The following TENM2 variants were observed in gnomAD, a reference collection of about 807,000 sequenced individuals.
The protein encoded by TENM2 is teneurin-2.
In TENM2, 52 loss-of-function variants were observed where a neutral mutation model predicts 245.2. That is an observed-to-expected ratio of 0.21 (90% CI 0.17 to 0.27). The LOEUF is 0.27. Among genes scored for constraint, TENM2 ranks in the 10% least tolerant of loss-of-function variants. TENM2 has a pLI of 1.00. For missense variants in TENM2, 3,046 were observed against 3,666.8 expected, an observed-to-expected ratio of 0.83 and a Z score of 4.37; for synonymous variants, 1,363 against 1,438.9, an observed-to-expected ratio of 0.95 and a Z score of 1.19.
At chr5:167,193,496 A>C in the TENM2 span, among the ~76,000 whole-genome samples, 1 of 149,344 alleles carries the variant, frequency 6.7e-6, no homozygotes, top group African/African-American at 2.4e-5. Flanking sequence ...AACAGACAGA[A>C]AGGGCAGGGT....
intron 2 of TENM2, among the ~76,000 whole-genome samples, chr5:167,443,214 C>T (rs1426893838): frequency 6.6e-6 from 1 of 151,878 alleles, no homozygotes; most frequent in East Asian, 1.9e-4. Context: ...AGTCATGAAA[C>T]CAGAGAGTTG....
chr5:168,223,823 G>A (rs767583578), intron 23 of TENM2, among the ~76,000 whole-genome samples: 12 of 151,766 alleles, frequency 7.9e-5, no homozygotes, highest in Admixed American at 1.3e-4. Context: ...ATGAAGATTC[G>A]TCAAAATTCC....
At chr5:167,126,164 G>A in the TENM2 span, among the ~76,000 whole-genome samples, 7 of 152,260 alleles carry the variant, frequency 4.6e-5, no homozygotes, top group South Asian at 1.5e-3. Flanking sequence ...TCAAACTTCT[G>A]TAGATATAAG....
chr5:168,103,886 G>A lies in TENM2; in HGVS notation c.1813+5759G>A, dbSNP rs79209814. 7.9e-3 allele frequency among the ~76,000 whole-genome samples: 1,206 copies of A among 152,304 alleles called. 22 individuals are homozygous for A. The highest frequency in any genetic ancestry group is 0.027 in the African/African-American group (1,140 of 41,566). ...GGCAGGGAGTAACCCTGAGCCAACA[G>A]AATGAGGTAATTGGCTAGCAAGTGC... On this transcript the variant is annotated intron_variant, in intron 9 of 28. Coordinates refer to ENST00000518659, the Ensembl canonical transcript of TENM2.
chr5:167,333,057 A>G (rs1000389338), intron 1 of TENM2, among the ~76,000 whole-genome samples: 101 of 152,344 alleles, frequency 6.6e-4, no homozygotes, highest in African/African-American at 2.4e-3. Context: ...TAGTGCGTGG[A>G]CTGGAAATTT....
At chr5:167,872,335 AAAGAAAGAAAGAAAGAAAGGAAAGAGAAG>A (rs1561880321) in intron 2 of TENM2, among the ~76,000 whole-genome samples, 7 of 138,946 alleles carry the variant, frequency 5.0e-5, no homozygotes, top group African/African-American at 1.1e-4. Context: ...AGAAAGAAAG[AAAGAAAGAAAGAAAGAAAGGAAAGAGAAG>A]GAAGGAAGGA....
At chr5:167,547,245 C>A (rs1772622029) in intron 2 of TENM2, among the ~76,000 whole-genome samples, 1 of 152,128 alleles carries the variant, frequency 6.6e-6, no homozygotes, top group Non-Finnish European at 1.5e-5. Flanking sequence ...GCCACCACGC[C>A]TGGCTAATTT....
the TENM2 span, among the ~76,000 whole-genome samples, chr5:167,199,888 C>T: frequency 6.6e-6 from 1 of 152,062 alleles, no homozygotes; most frequent in Non-Finnish European, 1.5e-5. Flanking sequence ...ATAACCTCAT[C>T]CCTACTTTGT....
chr5:167,298,570 C>T lies in TENM2; in HGVS notation c.226+13507C>T, dbSNP rs528778283. ...AGTGAGCCGAGATCGTGCCACTGCA[C>T]TCCAGCCTGGGCGACAGCGAGACTC... is the stretch of plus-strand genomic sequence containing the variant. On this transcript the variant is annotated intron_variant, in intron 1 of 28. Coordinates refer to ENST00000518659, the Ensembl canonical transcript of TENM2. 6.6e-4 allele frequency among the ~76,000 whole-genome samples: 101 copies of T among 152,294 alleles called. 1 individual carries two copies. Among genetic ancestry groups the T allele is most frequent in the African/African-American group, 2.2e-3 (92 of 41,566 alleles).
chr5:167,107,752 C>A, the TENM2 span, among the ~76,000 whole-genome samples: 5 of 152,136 alleles, frequency 3.3e-5, no homozygotes, highest in Non-Finnish European at 7.4e-5. Context: ...AATACTGAGG[C>A]TTGAAGAGGT....
intron 2 of TENM2, among the ~76,000 whole-genome samples, chr5:167,396,793 A>G (rs530987165): frequency 1.3e-5 from 2 of 152,176 alleles, no homozygotes; most frequent in African/African-American, 2.4e-5. Flanking sequence ...AGTGATTGAC[A>G]TACAGAGGGA....
intron 5 of TENM2, among the ~76,000 whole-genome samples, chr5:168,030,945 T>C (rs62383382): frequency 0.18 from 26,887 of 152,104 alleles, 2,584 homozygotes; most frequent in Admixed American, 0.29. Flanking sequence ...AAGACCCTGT[T>C]TTTACTGAGA....
intron 2 of TENM2, among the ~76,000 whole-genome samples, chr5:167,677,996 A>G (rs1359127658): frequency 6.6e-6 from 1 of 152,052 alleles, no homozygotes; most frequent in African/African-American, 2.4e-5. Flanking sequence ...ATCATGATAT[A>G]GAATAATACT....
chr5:167,812,039 G>A (rs1766682440), intron 2 of TENM2, among the ~76,000 whole-genome samples: 1 of 152,130 alleles, frequency 6.6e-6, no homozygotes, highest in South Asian at 2.1e-4. Context: ...GGATTTAAAT[G>A]CATCTTGAAG....
intron 2 of TENM2, among the ~76,000 whole-genome samples, chr5:167,686,819 C>T (rs1300060915): frequency 6.6e-6 from 1 of 152,108 alleles, no homozygotes; most frequent in Non-Finnish European, 1.5e-5. Flanking sequence ...GGGGTTCCCT[C>T]AGCTTAGGAG....
At chr5:168,261,777 C>A (rs894728832) in intron 28 of TENM2, among the ~76,000 whole-genome samples, 1 of 152,084 alleles carries the variant, frequency 6.6e-6, no homozygotes, top group African/African-American at 2.4e-5. Flanking sequence ...AAAGGGTGAA[C>A]CTCCTTTACC....
In TENM2 at chr5:168,033,886, G is replaced by T. The variant is rs1040110062; in HGVS notation, c.1187-13541G>T. ...TACTAAAAATACAAAAATTAGCCAG[G>T]TGTGGTTGTGGGCACCTATAGTCCC... On this transcript the variant is annotated intron_variant, in intron 5 of 28. Transcript: ENST00000518659. 9.9e-5 allele frequency among the ~76,000 whole-genome samples: 15 copies of T among 151,932 alleles called. No homozygotes were observed. In the South Asian group the frequency reaches 1.0e-3, roughly 11 times the overall value.
chr5:167,940,254 T>A (rs1286844835), intron 3 of TENM2, among the ~76,000 whole-genome samples: 1 of 150,012 alleles, frequency 6.7e-6, no homozygotes, highest in Non-Finnish European at 1.5e-5. Flanking sequence ...CTTGCCATAT[T>A]TGTCAATGTG....
Position 167,343,645 on chromosome 5 carries a change from C to T in TENM2, c.227-31553C>T, listed in dbSNP as rs549002897. On this transcript the variant is annotated intron_variant, in intron 1 of 28. Transcript: ENST00000518659. ...GTCTGCCCAGGTGTTAGGAAAAGAT[C>T]AGAAATCAAACTGTAATTGATAACT... 4.9e-4 allele frequency among the ~76,000 whole-genome samples: 74 copies of T among 152,292 alleles called. No individual in the cohort carries two copies. The South Asian group carries it at 0.015, about 31-fold the overall frequency.
Sources: gnomAD v4.1 joint callset for allele counts (sites outside exome capture counted in the v4.1 genomes callset) on GRCh38, gnomAD v4.1.1 for gene constraint, MANE v1.5 for transcripts, NCBI Gene and HGNC (gene_info 2026-07-23, HGNC 2026-07-21) for gene names.